Variants in AQP9 observed in about 807,000 individuals in gnomAD.
AQP9 encodes the protein aquaporin 9.
In AQP9, 19 loss-of-function variants were observed where a neutral mutation model predicts 23.8. That is an observed-to-expected ratio of 0.80 (90% CI 0.56 to 1.17). AQP9 has a LOEUF of 1.17. Ranked by LOEUF, AQP9 falls within the 50% of genes most tolerant of loss-of-function variation. The pLI, the probability that AQP9 is intolerant of heterozygous loss-of-function variation, is 0.00. For synonymous variants in AQP9, 153 were observed against 131.5 expected (o/e 1.16, Z -1.12); for missense variants, 413 against 362.0 (o/e 1.14, Z -1.14).
chr15:58,139,475 C>A (rs1267762934), intron 1 of AQP9, among the ~76,000 whole-genome samples: 1 of 152,170 alleles, frequency 6.6e-6, no homozygotes, highest in Non-Finnish European at 1.5e-5. Context: ...TACCTGGAAC[C>A]AGGCCATTTG....
At chr15:58,157,511 T>A (rs2140604520) in intron 1 of AQP9, among the ~76,000 whole-genome samples, 1 of 152,308 alleles carries the variant, frequency 6.6e-6, no homozygotes, top group East Asian at 1.9e-4. Flanking sequence ...CCCCAAATGC[T>A]GACCAGTGCC....
At chr15:58,180,460 A>G (rs1488707356) in intron 5 of AQP9, among the ~76,000 whole-genome samples, 1 of 152,200 alleles carries the variant, frequency 6.6e-6, no homozygotes, top group Non-Finnish European at 1.5e-5. Context: ...GAGTACCTTG[A>G]CAGCCTTTTC....
At chr15:58,182,471 T>C (rs574310026) in intron 5 of AQP9, among the ~76,000 whole-genome samples, 1 of 152,290 alleles carries the variant, frequency 6.6e-6, no homozygotes, top group African/African-American at 2.4e-5. Flanking sequence ...AGAGGACGTG[T>C]ACCCTGGCTG....
chr15:58,182,028 C>A (rs900659740), intron 5 of AQP9, among the ~76,000 whole-genome samples: 27 of 152,112 alleles, frequency 1.8e-4, no homozygotes, highest in Non-Finnish European at 5.9e-5. Flanking sequence ...TCCCAGGTCC[C>A]CATGTACTCC....
chr15:58,182,549 C>T (rs140581206), intron 5 of AQP9, among the ~76,000 whole-genome samples: 42 of 152,302 alleles, frequency 2.8e-4, no homozygotes, highest in African/African-American at 1.0e-3. Flanking sequence ...ATGGACCCAA[C>T]AGGTAGCTTA....
At position 58,142,034 on chromosome 15, in the gene AQP9, G is replaced by A. The variant is rs79762462; in HGVS notation, c.111+3358G>A. 6.4e-3 allele frequency among the ~76,000 whole-genome samples: 969 copies of A among 152,236 alleles called. 15 individuals are homozygous for A. The highest frequency in any genetic ancestry group is 0.022 in the African/African-American group (926 of 41,542). On this transcript the variant is annotated intron_variant, in intron 1 of 5. Transcript: ENST00000219919. ...AGATAAGGGTGGGCAGATATCACTG[G>A]CCCTTTTTATTGGTGGAGAAGCTGA...
intron 1 of AQP9, chr15:58,155,328 C>G (rs1231300860): frequency 6.6e-6 from 1 of 152,142 alleles, no homozygotes; most frequent in Non-Finnish European, 1.5e-5. Flanking sequence ...TACTCACGAC[C>G]ATAGCAATAG....
intron 4 of AQP9, among the ~76,000 whole-genome samples, chr15:58,176,756 G>A (rs1898766681): frequency 1.3e-5 from 2 of 151,794 alleles, no homozygotes; most frequent in South Asian, 2.1e-4. Flanking sequence ...GATTCCCAGT[G>A]TGAGCCACCA....
In AQP9 at chr15:58,165,086, C is replaced by A. The variant is rs542661323; in HGVS notation, c.112-1587C>A. Reference sequence around the variant, plus strand: ...CTAAATAGTATGTATTGCTCAATGCCAAGCCCTCCCTCAAGTTAATTGCTC... The same window carrying A: ...CTAAATAGTATGTATTGCTCAATGCAAAGCCCTCCCTCAAGTTAATTGCTC... On this transcript the variant is annotated intron_variant, in intron 1 of 5. Transcript: ENST00000219919. Among the ~76,000 whole-genome samples the A allele has an allele frequency of 2.6e-5, 4 of 152,156 alleles. No individual in the cohort carries two copies. In the East Asian group the frequency reaches 7.7e-4, roughly 29 times the overall value.
chr15:58,158,352 C>A (rs1898306692), intron 1 of AQP9, among the ~76,000 whole-genome samples: 1 of 152,156 alleles, frequency 6.6e-6, no homozygotes, highest in South Asian at 2.1e-4. Context: ...GTGATCAAAT[C>A]CTGGTTCTCT....
At chr15:58,159,107 C>T (rs969634222) in intron 1 of AQP9, among the ~76,000 whole-genome samples, 12 of 152,270 alleles carry the variant, frequency 7.9e-5, no homozygotes, top group African/African-American at 2.4e-4. Context: ...TCTCCGTTCC[C>T]GGCATTTCAG....
rs1898824946 is a variant in AQP9, at chr15:58,179,196, C to A, written c.564C>A (p.Pro188=). ...AIFDSRNLGA[P]RGLEPIAIGL... is the part of the protein sequence containing the mutation. ...TTGACTCCAGAAACTTGGGAGCCCC[C>A]AGAGGCCTAGAGCCCATTGCCATCG... The change falls in exon 5 of 6, where the codon CCC becomes CCA. Residue 188 remains proline, a synonymous_variant. Transcript: ENST00000219919. 1 of 1,614,060 alleles carries A rather than the reference C, an allele frequency of 6.2e-7. No homozygotes were observed. The highest frequency in any genetic ancestry group is 8.5e-7 in the Non-Finnish European group (1 of 1,179,934).
At chr15:58,157,200 T>C (rs1338503568) in intron 1 of AQP9, among the ~76,000 whole-genome samples, 2 of 152,160 alleles carry the variant, frequency 1.3e-5, no homozygotes, top group Non-Finnish European at 2.9e-5. Context: ...CTTTCCTATA[T>C]CCAAGAAGAC....
intron 2 of AQP9, 106 bp from the exon 3 acceptor site, chr15:58,172,962 G>A (rs975046621): frequency 4.9e-6 from 7 of 1,414,794 alleles, no homozygotes; most frequent in Non-Finnish European, 5.9e-6. Context: ...CTCATAGGCA[G>A]TAGTTCTCTG....
chr15:58,155,903 A>G (rs1898246683), intron 1 of AQP9: 1 of 152,196 alleles, frequency 6.6e-6, no homozygotes, highest in Non-Finnish European at 1.5e-5. Context: ...ACAGCAAAGC[A>G]TAGTATTCCG....
Position 58,160,130 on chromosome 15 carries a change from G to A in AQP9, c.112-6543G>A, listed in dbSNP as rs191814187. 2.4e-3 allele frequency among the ~76,000 whole-genome samples: 371 copies of A among 152,240 alleles called. 1 individual carries two copies. The highest frequency in any genetic ancestry group is 8.4e-3 in the African/African-American group (347 of 41,548). On this transcript the variant is annotated intron_variant, in intron 1 of 5. Coordinates refer to ENST00000219919, the MANE Select transcript of AQP9 (RefSeq NM_020980.5). Reference sequence around the variant, plus strand: ...ATTAGTTTACATTCCTAACAACAGCGTATAAATGTTCCTCTTTCTCCACAT... The same window carrying A: ...ATTAGTTTACATTCCTAACAACAGCATATAAATGTTCCTCTTTCTCCACAT...
intron 5 of AQP9, among the ~76,000 whole-genome samples, chr15:58,179,873 G>A (rs1473404703): frequency 6.6e-6 from 1 of 152,120 alleles, no homozygotes; most frequent in Admixed American, 6.5e-5. Context: ...AAGTGCTCTG[G>A]CAACCCCTAA....
rs780293096 is a variant in AQP9, at chr15:58,138,631, A to T, written c.66A>T (p.Leu22Phe). ...FKQRLVLKSS[L>F]AKETLSEFLG... ...AGAGACTGGTCTTGAAGAGCAGCTTAGCGAAAGAAACCCTCTCTGAGTTCT... is the reference window on the plus strand; with the variant it reads ...AGAGACTGGTCTTGAAGAGCAGCTTTGCGAAAGAAACCCTCTCTGAGTTCT... Residue 22 changes from leucine (L) to phenylalanine (F), a missense_variant, in exon 1 of 6, where the codon TTA becomes TTT. By Grantham distance (22) the Leu-to-Phe change is conservative. Coordinates refer to ENST00000219919, the MANE Select transcript of AQP9 (RefSeq NM_020980.5). The T allele has an allele frequency of 5.0e-6, 8 of 1,613,912 alleles. No individual in the cohort carries two copies. Among genetic ancestry groups the T allele is most frequent in the Non-Finnish European group, 5.9e-6 (7 of 1,179,820 alleles).
At chr15:58,168,251 G>A (rs1442439670) in intron 2 of AQP9, among the ~76,000 whole-genome samples, 2 of 150,348 alleles carry the variant, frequency 1.3e-5, no homozygotes, top group African/African-American at 4.9e-5. Flanking sequence ...GGCTGGTCTT[G>A]AACTCCTGGA....
Sources: allele counts gnomAD v4.1 joint callset (sites outside exome capture counted in the v4.1 genomes callset), GRCh38; gene constraint gnomAD v4.1.1; transcripts MANE v1.5; gene names NCBI Gene and HGNC (gene_info 2026-07-23, HGNC 2026-07-21).